The following USP34 variants were observed in gnomAD, a reference collection of about 807,000 sequenced individuals.
The protein encoded by USP34 is ubiquitin specific peptidase 34.
In USP34, 70 loss-of-function variants were observed where a neutral mutation model predicts 460.3. The observed-to-expected ratio is 0.15, with a 90% confidence interval of 0.13 to 0.19. The LOEUF is 0.19. USP34 is among the 10% of genes least tolerant of loss of function. The pLI, the probability that USP34 is intolerant of heterozygous loss-of-function variation, is 1.00. For synonymous variants in USP34, 1,647 were observed against 1,405.3 expected (o/e 1.17, Z -3.85); for missense variants, 3,985 against 4,236.2 (o/e 0.94, Z 1.65).
intron 1 of USP34, among the ~76,000 whole-genome samples, chr2:61,423,170 G>T (rs760436625): frequency 6.6e-6 from 1 of 152,204 alleles, no homozygotes; most frequent in African/African-American, 2.4e-5. Flanking sequence ...CTGGAGTGCA[G>T]TGGCACAATC....
At position 61,348,634 on chromosome 2, in the gene USP34, A is replaced by G. The variant is rs577370017; in HGVS notation, c.1674+122T>C. The G allele has an allele frequency of 4.0e-5, 58 of 1,446,658 alleles. No homozygotes were observed. In the South Asian group the frequency reaches 7.8e-4, roughly 19 times the overall value. The allele number at this position is 1,446,658 out of a possible 1,614,324, so 89.6% of individuals were successfully genotyped here. A position where few individuals can be genotyped will look rare whatever the true frequency, so the allele number is the denominator to read the frequency against. On this transcript the variant is annotated intron_variant, in intron 14 of 79. Transcript: ENST00000398571. ...GGAATTAAAAACTCAAAGGATGTCAAAAATATTACGTAAAGGAGAGGACAA... is the reference window on the plus strand; with the variant it reads ...GGAATTAAAAACTCAAAGGATGTCAGAAATATTACGTAAAGGAGAGGACAA...
chr2:61,378,354 C>A lies in USP34; in HGVS notation c.1076+9G>T. The A allele has an allele frequency of 6.4e-7, 1 of 1,566,584 alleles. No homozygotes were observed. Among genetic ancestry groups the A allele is most frequent in the South Asian group, 1.2e-5 (1 of 83,816 alleles). The stretch of plus-strand genomic sequence containing the variant: ...GTATACTTATATATAAATTAATGCT[C>A]CTACTTACGTTTCTGTGTCCGATAC... On this transcript the variant is annotated intron_variant, in intron 8 of 79. Coordinates refer to ENST00000398571, the MANE Select transcript of USP34 (RefSeq NM_014709.4).
chr2:61,341,784 G>A (rs920556301), intron 16 of USP34, among the ~76,000 whole-genome samples: 1 of 107,874 alleles, frequency 9.3e-6, no homozygotes, highest in Non-Finnish European at 1.8e-5. Flanking sequence ...TTTTTGAGAT[G>A]CAGTCTCGCT....
At chr2:61,342,728 T>C (rs1452082731) in intron 16 of USP34, among the ~76,000 whole-genome samples, 1 of 152,202 alleles carries the variant, frequency 6.6e-6, no homozygotes, top group East Asian at 1.9e-4. Flanking sequence ...AAAAACATTG[T>C]AAAACAAGGT....
intron 53 of USP34, among the ~76,000 whole-genome samples, chr2:61,237,128 A>G (rs1488211198): frequency 6.6e-6 from 1 of 152,134 alleles, no homozygotes; most frequent in Non-Finnish European, 1.5e-5. Flanking sequence ...CCTGCTCTAC[A>G]GTGATATTCC....
chr2:61,229,762 C>T (rs1687838262), intron 58 of USP34, 129 bp from the exon 59 acceptor site: 2 of 729,852 alleles, frequency 2.7e-6, no homozygotes, highest in South Asian at 4.0e-5. Flanking sequence ...TATTCTGGAG[C>T]TCTTCTGGAG....
chr2:61,316,717 T>C (rs1690761168), intron 23 of USP34, among the ~76,000 whole-genome samples: 1 of 151,966 alleles, frequency 6.6e-6, no homozygotes, highest in African/African-American at 2.4e-5. Context: ...AAACCCCACC[T>C]ATACTAAAAA....
chr2:61,405,077 T>C (rs547043759), intron 3 of USP34, among the ~76,000 whole-genome samples: 1 of 151,036 alleles, frequency 6.6e-6, no homozygotes, highest in Non-Finnish European at 1.5e-5. Flanking sequence ...GAAAATTCTT[T>C]TTAAACTTAG....
intron 27 of USP34, among the ~76,000 whole-genome samples, chr2:61,302,793 G>C (rs972157562): frequency 3.3e-5 from 5 of 151,994 alleles, no homozygotes; most frequent in Admixed American, 1.3e-4. Context: ...TTTTCTCCCA[G>C]GACTTTTTTG....
chr2:61,358,721 T>G (rs755827466), intron 10 of USP34, among the ~76,000 whole-genome samples: 1 of 152,138 alleles, frequency 6.6e-6, no homozygotes, highest in Non-Finnish European at 1.5e-5. Flanking sequence ...TAGAAAATCC[T>G]AAAGAATCCA....
chr2:61,252,095 C>CT (rs1688600474), intron 48 of USP34, among the ~76,000 whole-genome samples: 3 of 152,034 alleles, frequency 2.0e-5, no homozygotes, highest in Non-Finnish European at 4.4e-5. Flanking sequence ...CAAAAGGGTG[C>CT]TATGGAAGCA....
intron 27 of USP34, among the ~76,000 whole-genome samples, chr2:61,309,997 C>G (rs753485995): frequency 1.7e-4 from 26 of 151,848 alleles, no homozygotes; most frequent in Admixed American, 3.3e-4. Context: ...TTTCACAAAA[C>G]TAAATAAAAA....
At chr2:61,282,946 G>A (rs1558508480) in intron 37 of USP34, among the ~76,000 whole-genome samples, 199 bp downstream of exon 37, 1 of 152,006 alleles carries the variant, frequency 6.6e-6, no homozygotes, top group Non-Finnish European at 1.5e-5. Flanking sequence ...AAATATAAAT[G>A]CTACATAATA....
intron 42 of USP34, 159 bp from the exon 43 acceptor site, chr2:61,265,716 C>G: frequency 1.4e-6 from 1 of 727,202 alleles, no homozygotes; most frequent in Non-Finnish European, 1.9e-6. Flanking sequence ...CAGATGAAAA[C>G]TAATTTATTC....
chr2:61,229,451 A>C (rs1447616938), intron 59 of USP34, 97 bp downstream of exon 59: 7 of 823,552 alleles, frequency 8.5e-6, no homozygotes, highest in South Asian at 2.1e-5. Flanking sequence ...AAGAAACCCT[A>C]TCTCTTAAAA....
At chr2:61,282,397 A>G (rs1030169264) in intron 37 of USP34, among the ~76,000 whole-genome samples, 5 of 152,230 alleles carry the variant, frequency 3.3e-5, no homozygotes, top group African/African-American at 4.8e-5. Flanking sequence ...GCCAAGATAC[A>G]GCTAATAAAA....
At chr2:61,242,458 T>TACATACACACAC (rs374067567) in intron 51 of USP34, among the ~76,000 whole-genome samples, 1 of 129,680 alleles carries the variant, frequency 7.7e-6, no homozygotes, top group African/African-American at 3.0e-5. Flanking sequence ...AGATAATACA[T>TACATACACACAC]ACACACACAC....
chr2:61,378,315 T>G (rs374911709), intron 8 of USP34, 48 bp downstream of exon 8: 9 of 1,321,506 alleles, frequency 6.8e-6, no homozygotes, highest in East Asian at 2.4e-5. Context: ...TATAAACAAC[T>G]GTACATTAAA....
chr2:61,413,686 AAAAC>A (rs1339083985), intron 2 of USP34, among the ~76,000 whole-genome samples: 1 of 137,086 alleles, frequency 7.3e-6, no homozygotes, highest in Non-Finnish European at 1.6e-5. Flanking sequence ...AAAAAATAAA[AAAAC>A]AAAAGAGGCC....
Sources: gnomAD v4.1 joint callset for allele counts (sites outside exome capture counted in the v4.1 genomes callset) on GRCh38, gnomAD v4.1.1 for gene constraint, MANE v1.5 for transcripts, NCBI Gene and HGNC (gene_info 2026-07-23, HGNC 2026-07-21) for gene names.